GAS2: variants seen among roughly 807,000 people sequenced by gnomAD.
The protein encoded by GAS2 is growth arrest specific 2.
A neutral mutation model predicts 37.5 loss-of-function variants in GAS2; 20 were observed. The observed-to-expected ratio is 0.53, with a 90% CI of 0.37 to 0.77. The LOEUF is 0.77. Ranked by LOEUF, GAS2 falls within the 30% of genes least tolerant of loss-of-function variation. The pLI, the probability that GAS2 is intolerant of heterozygous loss-of-function variation, is 0.00. For missense variants in GAS2, 336 were observed against 373.4 expected (o/e 0.90, Z 0.82); for synonymous variants, 144 against 132.2 (o/e 1.09, Z -0.61).
chr11:22,636,850 A>G (rs1184766197), intron 1 of GAS2, among the ~76,000 whole-genome samples: 1 of 148,070 alleles, frequency 6.8e-6, no homozygotes, highest in Non-Finnish European at 1.5e-5. Flanking sequence ...GTAAGTATAT[A>G]CAAATATATA....
intron 3 of GAS2, among the ~76,000 whole-genome samples, chr11:22,696,628 T>C (rs1296023543): frequency 2.6e-5 from 4 of 151,588 alleles, no homozygotes; most frequent in African/African-American, 9.7e-5. Context: ...TTTTAATGAT[T>C]GCCATTCTAA....
At chr11:22,772,946 C>G (rs967018917) in intron 7 of GAS2, among the ~76,000 whole-genome samples, 2 of 152,148 alleles carry the variant, frequency 1.3e-5, no homozygotes, top group East Asian at 3.9e-4. Flanking sequence ...CCAGTGGGCT[C>G]TTTTTCAGTC....
intron 1 of GAS2, among the ~76,000 whole-genome samples, chr11:22,652,769 C>CCTG (rs529024570): frequency 6.6e-6 from 1 of 152,328 alleles, no homozygotes; most frequent in South Asian, 2.1e-4. Flanking sequence ...AATGCCTCGC[C>CCTG]CTGCTTCGGC....
intron 4 of GAS2, among the ~76,000 whole-genome samples, chr11:22,734,540 T>A (rs1280464786): frequency 6.6e-6 from 1 of 151,596 alleles, no homozygotes; most frequent in Non-Finnish European, 1.5e-5. Context: ...GCACAAAAAG[T>A]GCTTGCAGGG....
intron 1 of GAS2, among the ~76,000 whole-genome samples, chr11:22,641,790 T>G (rs138835552): frequency 6.6e-6 from 1 of 152,274 alleles, no homozygotes; most frequent in East Asian, 1.9e-4. Context: ...AGTCATAATA[T>G]TATCAATCAG....
intron 6 of GAS2, among the ~76,000 whole-genome samples, chr11:22,751,151 A>G (rs1565126106): frequency 6.6e-6 from 1 of 151,956 alleles, no homozygotes; most frequent in Non-Finnish European, 1.5e-5. Context: ...CATATAGTCC[A>G]TAGCCCTCCA....
chr11:22,675,416 C>T (rs1849381199), intron 2 of GAS2, among the ~76,000 whole-genome samples: 1 of 152,166 alleles, frequency 6.6e-6, no homozygotes, highest in Non-Finnish European at 1.5e-5. Context: ...TTACAGCACA[C>T]CTTCTAAAAC....
intron 7 of GAS2, among the ~76,000 whole-genome samples, chr11:22,765,755 G>A (rs1381691690): frequency 6.7e-6 from 1 of 149,356 alleles, no homozygotes; most frequent in African/African-American, 2.5e-5. Context: ...CTCCAGCCTG[G>A]GTGATAGAGT....
intron 5 of GAS2, among the ~76,000 whole-genome samples, chr11:22,741,618 T>C (rs1313493541): frequency 6.6e-6 from 1 of 152,040 alleles, no homozygotes; most frequent in Non-Finnish European, 1.5e-5. Flanking sequence ...CTTTAATCTG[T>C]GATTTTTATT....
chr11:22,677,595 G>A (rs1849488278), intron 2 of GAS2, among the ~76,000 whole-genome samples: 1 of 152,170 alleles, frequency 6.6e-6, no homozygotes, highest in East Asian at 1.9e-4. Context: ...TATTTAGTGA[G>A]TGTGGTCATT....
chr11:22,799,622 A>T (rs964400369), intron 7 of GAS2, among the ~76,000 whole-genome samples: 1 of 152,056 alleles, frequency 6.6e-6, no homozygotes, highest in Non-Finnish European at 1.5e-5. Flanking sequence ...ATTGGTCTGA[A>T]TTATCATTCA....
At chr11:22,708,941 G>A (rs1793824380) in intron 3 of GAS2, among the ~76,000 whole-genome samples, 1 of 152,164 alleles carries the variant, frequency 6.6e-6, no homozygotes, top group Admixed American at 6.6e-5. Flanking sequence ...CAAGAAGCCT[G>A]TGGTGGGAGG....
intron 7 of GAS2, among the ~76,000 whole-genome samples, chr11:22,789,950 C>T (rs886605997): frequency 1.3e-5 from 2 of 152,094 alleles, no homozygotes; most frequent in Non-Finnish European, 2.9e-5. Context: ...TGGTATGATA[C>T]ATAAACATGG....
At chr11:22,756,432 C>CTAT (rs1378720109) in intron 7 of GAS2, among the ~76,000 whole-genome samples, 1 of 152,006 alleles carries the variant, frequency 6.6e-6, no homozygotes, top group Non-Finnish European at 1.5e-5. Context: ...TTTAAAAAAG[C>CTAT]TATATTCTTT....
intron 3 of GAS2, among the ~76,000 whole-genome samples, chr11:22,703,875 C>T (rs1331132823): frequency 6.6e-6 from 1 of 152,094 alleles, no homozygotes; most frequent in Non-Finnish European, 1.5e-5. Flanking sequence ...TATTACTGTG[C>T]TAGTCATGTC....
intron 1 of GAS2, among the ~76,000 whole-genome samples, chr11:22,629,469 T>G (rs1333425601): frequency 4.6e-5 from 7 of 151,932 alleles, no homozygotes; most frequent in African/African-American, 1.4e-4. Flanking sequence ...CCAACATCTA[T>G]TGTTCTTTGA....
chr11:22,774,477 T>G (rs976909150), intron 7 of GAS2, among the ~76,000 whole-genome samples: 2 of 152,218 alleles, frequency 1.3e-5, no homozygotes, highest in Non-Finnish European at 2.9e-5. Flanking sequence ...GACCTATGTT[T>G]CATGAAAATG....
chr11:22,653,989 A>C (rs1415284543), intron 1 of GAS2, among the ~76,000 whole-genome samples: 1 of 152,214 alleles, frequency 6.6e-6, no homozygotes, highest in African/African-American at 2.4e-5. Context: ...CAGTCATCCC[A>C]CACCAGGCAC....
At chr11:22,792,615 G>A (rs1856221410) in intron 7 of GAS2, among the ~76,000 whole-genome samples, 1 of 152,202 alleles carries the variant, frequency 6.6e-6, no homozygotes, top group South Asian at 2.1e-4. Context: ...CAGGCAGTTT[G>A]TAGTGATAAG....
Sources: gnomAD v4.1 joint callset for allele counts (sites outside exome capture counted in the v4.1 genomes callset) on GRCh38, gnomAD v4.1.1 for gene constraint, MANE v1.5 for transcripts, NCBI Gene and HGNC (gene_info 2026-07-23, HGNC 2026-07-21) for gene names.